The following CAMK4 variants were observed in gnomAD, a reference collection of about 807,000 sequenced individuals.
CAMK4 encodes the protein calcium/calmodulin-dependent protein kinase type IV.
A neutral mutation model predicts 44.9 loss-of-function variants in CAMK4; 22 were observed. The ratio of observed to expected loss-of-function variants is 0.49; its 90% CI spans 0.35 to 0.70. The LOEUF is 0.70. Ranked by LOEUF, CAMK4 falls within the 30% of genes least tolerant of loss-of-function variation. The pLI is 0.01. For synonymous variants in CAMK4, 218 were observed against 215.4 expected, an observed-to-expected ratio of 1.01 and a Z score of -0.11; for missense variants, 498 against 586.8, an observed-to-expected ratio of 0.85 and a Z score of 1.56.
intron 2 of CAMK4, among the ~76,000 whole-genome samples, chr5:111,369,065 A>AATT (rs951505996): frequency 1.3e-5 from 2 of 148,698 alleles, no homozygotes; most frequent in African/African-American, 2.5e-5. Context: ...TAATAATAAT[A>AATT]ATTATTATTA....
chr5:111,440,916 C>G lies in CAMK4; in HGVS notation c.460-5770C>G, dbSNP rs150137614. Reference sequence around the variant, plus strand: ...AGCAAGGATAGAGTCCGAATAGCTACCATTTACACATAGAATATCTACTAC... The same window carrying G: ...AGCAAGGATAGAGTCCGAATAGCTAGCATTTACACATAGAATATCTACTAC... On this transcript the variant is annotated intron_variant, in intron 5 of 10. Coordinates refer to ENST00000282356, the MANE Select transcript of CAMK4 (RefSeq NM_001744.6). 4.1e-3 allele frequency among the ~76,000 whole-genome samples: 620 copies of G among 152,244 alleles called. 1 individual carries two copies. The highest frequency in any genetic ancestry group is 0.024 in the Middle Eastern group (7 of 294).
chr5:111,419,826 A>G lies in CAMK4; in HGVS notation c.459+25044A>G, dbSNP rs372505293. ...ATATCTCTGTTTTGGTACCAGTACCATGCTGTTTTGGTTACTGTAGCCTTG... is the reference window on the plus strand; with the variant it reads ...ATATCTCTGTTTTGGTACCAGTACCGTGCTGTTTTGGTTACTGTAGCCTTG... On this transcript the variant is annotated intron_variant, in intron 5 of 10. Transcript: ENST00000282356. Among the ~76,000 whole-genome samples, 37 of 152,304 alleles carry G rather than the reference A, an allele frequency of 2.4e-4. No individual in the cohort carries two copies. The East Asian group carries it at 6.8e-3, about 28-fold the overall frequency.
At chr5:111,456,888 G>A (rs527261226) in intron 7 of CAMK4, among the ~76,000 whole-genome samples, 1 of 152,150 alleles carries the variant, frequency 6.6e-6, no homozygotes, top group African/African-American at 2.4e-5. Flanking sequence ...GATGGGATTT[G>A]TTCCTTAGTT....
chr5:111,330,095 C>T (rs1250236646), intron 1 of CAMK4, among the ~76,000 whole-genome samples: 3 of 132,616 alleles, frequency 2.3e-5, no homozygotes, highest in Non-Finnish European at 4.9e-5. Flanking sequence ...CCCCACCACC[C>T]CTACAAAAAA....
intron 7 of CAMK4, among the ~76,000 whole-genome samples, chr5:111,472,122 T>C (rs1755086091): frequency 6.6e-6 from 1 of 152,088 alleles, no homozygotes; most frequent in Non-Finnish European, 1.5e-5. Flanking sequence ...CTCAAACTCC[T>C]GACCTCAGGT....
rs932869276 is a variant in CAMK4, at chr5:111,308,266, A to G, written c.162-35758A>G. 7.2e-5 allele frequency among the ~76,000 whole-genome samples: 11 copies of G among 152,120 alleles called. No individual in the cohort carries two copies. In the South Asian group the frequency reaches 8.3e-4, roughly 11 times the overall value. ...AGAGTATAATAAAAAAATAAAATAA[A>G]ATAAATGTATCAAAACTAGTTCTTA... On this transcript the variant is annotated intron_variant, in intron 1 of 10. Coordinates refer to ENST00000282356, the MANE Select transcript of CAMK4 (RefSeq NM_001744.6).
intron 1 of CAMK4, among the ~76,000 whole-genome samples, chr5:111,251,116 C>A (rs140870880): frequency 6.6e-6 from 1 of 152,146 alleles, no homozygotes; most frequent in Admixed American, 6.5e-5. Context: ...GTTAGAGTTG[C>A]GTAGCTGTAT....
intron 5 of CAMK4, among the ~76,000 whole-genome samples, chr5:111,401,248 C>T (rs960259940): frequency 6.6e-6 from 1 of 152,138 alleles, no homozygotes; most frequent in African/African-American, 2.4e-5. Flanking sequence ...AAGCAGTTCT[C>T]CTGCCTCAGC....
At chr5:111,375,163 G>T (rs1405416295) in intron 3 of CAMK4, among the ~76,000 whole-genome samples, 1 of 152,096 alleles carries the variant, frequency 6.6e-6, no homozygotes, top group Non-Finnish European at 1.5e-5. Context: ...ATTCATAAAA[G>T]GATAAAAATC....
chr5:111,373,476 A>T lies in CAMK4; in HGVS notation c.241-1374A>T, dbSNP rs73214502. Among the ~76,000 whole-genome samples the T allele has an allele frequency of 1.6e-3, 250 of 152,198 alleles. 2 individuals carry two copies. The highest frequency in any genetic ancestry group is 5.5e-3 in the African/African-American group (228 of 41,536). ...AAAAAGAACATATAAAGTTGGAAAA[A>T]TTTTTTTGAGTATTCATTCCTTTTT... is the stretch of plus-strand genomic sequence containing the variant. On this transcript the variant is annotated intron_variant, in intron 2 of 10. Transcript: ENST00000282356.
chr5:111,424,545 C>T (rs917431235), intron 5 of CAMK4, among the ~76,000 whole-genome samples: 2 of 147,824 alleles, frequency 1.4e-5, no homozygotes, highest in Non-Finnish European at 3.0e-5. Context: ...CCTGAGTTCA[C>T]GCCATTCTCC....
rs1443945722 is a variant in CAMK4 at position 111,376,890 on chromosome 5, A to G, written c.334A>G (p.Thr112Ala). 6 of 1,605,374 alleles carry G rather than the reference A, an allele frequency of 3.7e-6. No homozygotes were observed. The highest frequency in any genetic ancestry group is 5.1e-6 in the Non-Finnish European group (6 of 1,173,650). ...IKLKEIFETPTEISLVLELVT... is the reference protein window; with the variant it reads ...IKLKEIFETPAEISLVLELVT... ...ACTTAAAGAGATATTTGAAACCCCT[A>G]CAGAAATCAGTCTGGTCCTAGAACT... The change falls in exon 4 of 11, where the codon ACA becomes GCA. Residue 112 changes from threonine to alanine, a missense_variant. Physicochemically the swap from Thr to Ala is moderately conservative, Grantham distance 58 (BLOSUM62 0). Transcript: ENST00000282356.
At chr5:111,326,090 G>A (rs1748876684) in intron 1 of CAMK4, among the ~76,000 whole-genome samples, 1 of 152,096 alleles carries the variant, frequency 6.6e-6, no homozygotes, top group South Asian at 2.1e-4. Context: ...TTCAAAGGAA[G>A]TAGAAAAGAG....
intron 1 of CAMK4, among the ~76,000 whole-genome samples, chr5:111,233,919 A>G (rs572981920): frequency 1.1e-3 from 169 of 152,300 alleles, no homozygotes; most frequent in Non-Finnish European, 1.9e-3. Context: ...TAGCCAGGGT[A>G]TGTGTAATAC....
intron 1 of CAMK4, among the ~76,000 whole-genome samples, chr5:111,320,680 A>G (rs1748625925): frequency 6.6e-6 from 1 of 151,888 alleles, no homozygotes; most frequent in Non-Finnish European, 1.5e-5. Flanking sequence ...CTAATTTTGT[A>G]TTTTTAGTAG....
chr5:111,435,699 A>T (rs1356808043), intron 5 of CAMK4, among the ~76,000 whole-genome samples: 1 of 152,092 alleles, frequency 6.6e-6, no homozygotes, highest in East Asian at 1.9e-4. Flanking sequence ...TTTCTCCTTA[A>T]TTGTAGATCA....
chr5:111,408,093 A>C (rs1378658108), intron 5 of CAMK4, among the ~76,000 whole-genome samples: 1 of 151,252 alleles, frequency 6.6e-6, no homozygotes, highest in African/African-American at 2.5e-5. Flanking sequence ...TTGGCAACAA[A>C]GTGAGACTCC....
chr5:111,241,291 AC>A (rs1255894697), intron 1 of CAMK4, among the ~76,000 whole-genome samples: 1 of 152,090 alleles, frequency 6.6e-6, no homozygotes, highest in Non-Finnish European at 1.5e-5. Flanking sequence ...GTTTTTCATT[AC>A]CTTGAAAGTC....
intron 1 of CAMK4, among the ~76,000 whole-genome samples, chr5:111,249,636 A>ATATATATATATGTGTGTGTGTGTG (rs1749393137): frequency 7.8e-6 from 1 of 127,936 alleles, no homozygotes; most frequent in East Asian, 2.0e-4. Context: ...GTGTATATAT[A>ATATATATATATGTGTGTGTGTGTG]TATATATATG....
Sources: allele counts gnomAD v4.1 joint callset (sites outside exome capture counted in the v4.1 genomes callset), GRCh38; gene constraint gnomAD v4.1.1; transcripts MANE v1.5; gene names NCBI Gene and HGNC (gene_info 2026-07-23, HGNC 2026-07-21).